Variants in TUSC3 observed in about 807,000 individuals in gnomAD.
The protein encoded by TUSC3 is dolichyl-diphosphooligosaccharide--protein glycosyltransferase subunit TUSC3.
A neutral mutation model predicts 44.8 loss-of-function variants in TUSC3; 45 were observed. That is an observed-to-expected ratio of 1.00 (90% CI 0.79 to 1.29). The LOEUF (loss-of-function observed/expected upper bound fraction) is 1.29, where lower values mean the gene tolerates loss of function less well. Among genes scored for constraint, TUSC3 ranks in the 50% most tolerant of loss-of-function variants. The pLI is 0.00. For missense variants in TUSC3, 519 were observed against 437.9 expected, an observed-to-expected ratio of 1.19 and a Z score of -1.65; for synonymous variants, 212 against 152.9, an observed-to-expected ratio of 1.39 and a Z score of -2.85.
intron 2 of TUSC3, among the ~76,000 whole-genome samples, chr8:15,495,096 A>C (rs1800863632): frequency 6.6e-6 from 1 of 152,186 alleles, no homozygotes. Context: ...ATTCTTTTTT[A>C]TGATGGCATA....
intron 1 of TUSC3, among the ~76,000 whole-genome samples, chr8:15,425,780 G>C (rs1799796305): frequency 6.6e-6 from 1 of 152,132 alleles, no homozygotes; most frequent in South Asian, 2.1e-4. Flanking sequence ...GAAAAACAGG[G>C]GTTATTCCAA....
At chr8:15,815,453 T>G in the TUSC3 span, among the ~76,000 whole-genome samples, 1 of 152,140 alleles carries the variant, frequency 6.6e-6, no homozygotes, top group Admixed American at 6.6e-5. Context: ...GTGCTTTCAT[T>G]GAATACAGGA....
chr8:15,777,885 G>C, the TUSC3 span, among the ~76,000 whole-genome samples: 5 of 152,076 alleles, frequency 3.3e-5, no homozygotes, highest in Non-Finnish European at 5.9e-5. Context: ...AAGTGTGTCA[G>C]TCCCTTGGAG....
chr8:15,470,770 T>G (rs576922332), intron 1 of TUSC3, among the ~76,000 whole-genome samples: 1 of 152,232 alleles, frequency 6.6e-6, no homozygotes, highest in Admixed American at 6.5e-5. Flanking sequence ...TTTTCTCCAG[T>G]TCCTCTGGTT....
At chr8:15,850,487 T>C in the TUSC3 span, among the ~76,000 whole-genome samples, 1 of 152,178 alleles carries the variant, frequency 6.6e-6, no homozygotes, top group Non-Finnish European at 1.5e-5. Flanking sequence ...TCCTAACACA[T>C]TTATTGCTGA....
At chr8:15,446,384 A>T (rs2129119401) in intron 1 of TUSC3, among the ~76,000 whole-genome samples, 1 of 152,074 alleles carries the variant, frequency 6.6e-6, no homozygotes, top group African/African-American at 2.4e-5. Context: ...GGTGGCTGGG[A>T]GGTGGAGGTT....
At chr8:15,581,861 C>CCGCTGCTCT (rs1204024995) in intron 1 of TUSC3, among the ~76,000 whole-genome samples, 1 of 92,268 alleles carries the variant, frequency 1.1e-5, no homozygotes. Context: ...TGGAGCTTCC[C>CCGCTGCTCT]GTTTACCTAA....
At chr8:15,522,479 C>T (rs538984190) in intron 2 of TUSC3, among the ~76,000 whole-genome samples, 5 of 151,868 alleles carry the variant, frequency 3.3e-5, no homozygotes, top group South Asian at 2.1e-4. Context: ...GTGATCCACC[C>T]GCCTTGGCCT....
At chr8:15,514,711 CTTTA>C (rs574504243) in intron 2 of TUSC3, among the ~76,000 whole-genome samples, 243 of 152,212 alleles carry the variant, frequency 1.6e-3, no homozygotes, top group Admixed American at 2.8e-3. Flanking sequence ...TTAATATTCA[CTTTA>C]TTTATTTTAT....
At chr8:15,811,971 C>T in the TUSC3 span, among the ~76,000 whole-genome samples, 12,420 of 152,092 alleles carry the variant, frequency 0.082, 1,068 homozygotes, top group African/African-American at 0.23. Context: ...TCTTTGATGA[C>T]GATCAATTAA....
At chr8:15,478,370 C>T (rs62501893) in intron 1 of TUSC3, among the ~76,000 whole-genome samples, 3,452 of 152,174 alleles carry the variant, frequency 0.023, 67 homozygotes, top group Middle Eastern at 0.041. Context: ...CCCCATCAGC[C>T]CATCATCTAG....
chr8:15,573,202 C>CTCTATATATATATA (rs1435847916), intron 1 of TUSC3, among the ~76,000 whole-genome samples: 2 of 74,190 alleles, frequency 2.7e-5, no homozygotes, highest in East Asian at 4.7e-4. Flanking sequence ...CTCTCTCTCT[C>CTCTATATATATATA]TATATATATA....
chr8:15,662,151 T>G lies in TUSC3; in HGVS notation c.568-5T>G. 1 of 1,612,666 alleles carries G rather than the reference T, an allele frequency of 6.2e-7. No individual in the cohort carries two copies. Among genetic ancestry groups the G allele is most frequent in the Non-Finnish European group, 8.5e-7 (1 of 1,179,020 alleles). ...ATTTTTGAAATTTCTATTGCATTTTTGCAGATTCGGGTTTTCAGACCACCC... is the reference window on the plus strand; with the variant it reads ...ATTTTTGAAATTTCTATTGCATTTTGGCAGATTCGGGTTTTCAGACCACCC... On this transcript the variant is annotated splice_polypyrimidine_tract_variant and splice_region_variant and intron_variant, in intron 4 of 10. Transcript: ENST00000503731.
At chr8:15,496,780 ACTATTTCCCCC>A (rs1328977487) in intron 2 of TUSC3, among the ~76,000 whole-genome samples, 1 of 152,180 alleles carries the variant, frequency 6.6e-6, no homozygotes, top group Non-Finnish European at 1.5e-5. Context: ...CATTACACTT[ACTATTTCCCCC>A]ATATTTCTCA....
chr8:15,514,323 T>C (rs1801181663), intron 2 of TUSC3, among the ~76,000 whole-genome samples: 1 of 152,228 alleles, frequency 6.6e-6, no homozygotes, highest in Non-Finnish European at 1.5e-5. Context: ...AATTTATTTT[T>C]ATATTTTAGG....
rs1194731430 is a variant in TUSC3 at position 15,490,939 on chromosome 8, G to C, written n.189+7456G>C. Among the ~76,000 whole-genome samples the C allele has an allele frequency of 6.6e-5, 10 of 152,140 alleles. No homozygotes were observed. In the South Asian group the frequency reaches 1.0e-3, roughly 16 times the overall value. ...CACAAAACTATCAGAAAAAATTACA[G>C]TGCTCCATGCTTTCTTCCAAAGAGG... On this transcript the variant is annotated intron_variant and non_coding_transcript_variant, in intron 2 of 5. Coordinates refer to the TUSC3 transcript ENST00000503191.
chr8:15,537,618 G>C (rs1456482595), upstream of TUSC3, among the ~76,000 whole-genome samples: 1 of 152,148 alleles, frequency 6.6e-6, no homozygotes, highest in Non-Finnish European at 1.5e-5. Flanking sequence ...TTACAAAATG[G>C]GAGACAGAAA....
At chr8:15,688,001 C>G (rs1808713766) in intron 6 of TUSC3, among the ~76,000 whole-genome samples, 1 of 151,924 alleles carries the variant, frequency 6.6e-6, no homozygotes, top group Non-Finnish European at 1.5e-5. Flanking sequence ...AATATTACAT[C>G]AGAGGAGAAA....
intron 1 of TUSC3, among the ~76,000 whole-genome samples, chr8:15,541,283 G>C (rs1801682418): frequency 6.6e-6 from 1 of 152,208 alleles, no homozygotes; most frequent in African/African-American, 2.4e-5. Context: ...GTGACTGGTT[G>C]TATTTAAAGT....
Sources: gnomAD v4.1 joint callset for allele counts (sites outside exome capture counted in the v4.1 genomes callset) on GRCh38, gnomAD v4.1.1 for gene constraint, MANE v1.5 for transcripts, NCBI Gene and HGNC (gene_info 2026-07-23, HGNC 2026-07-21) for gene names.